The following CABLES2 variants were observed in gnomAD, a reference collection of about 807,000 sequenced individuals.
CABLES2 encodes Cdk5 and Abl enzyme substrate 2.
Under a neutral mutation model 44.8 loss-of-function variants are expected in CABLES2, and 35 were observed. That is an observed-to-expected ratio of 0.78 (90% CI 0.60 to 1.04). The LOEUF (loss-of-function observed/expected upper bound fraction) is 1.04. Ranked by LOEUF, CABLES2 falls within the 50% of genes least tolerant of loss-of-function variation. The pLI, the probability that CABLES2 is intolerant of heterozygous loss-of-function variation, is 0.00. For missense variants in CABLES2, 566 were observed against 615.7 expected, an observed-to-expected ratio of 0.92 and a Z score of 0.85; for synonymous variants, 282 against 281.1, an observed-to-expected ratio of 1.00 and a Z score of -0.03.
chr20:62,401,728 C>A (rs902103184), intron 1 of CABLES2, among the ~76,000 whole-genome samples: 1 of 152,170 alleles, frequency 6.6e-6, no homozygotes, highest in Non-Finnish European at 1.5e-5. Context: ...TGACACAGGT[C>A]CCCTCAGTGT....
In CABLES2 at chr20:62,392,423, G is replaced by A; in HGVS notation, c.1057C>T (p.Pro353Ser). ...TTGCTCAGCGTCAGTTTGACATGGG[G>A]GAACTTCTCCCTGAAGGTCTCGTTC... ...DMNETFREKFPHVKLTLSKIR... is the reference protein window; with the variant it reads ...DMNETFREKFSHVKLTLSKIR... The change falls in exon 8 of 10, where the codon CCC becomes TCC. Residue 353 changes from proline (P) to serine (S), a missense_variant. Coordinates refer to ENST00000279101, the MANE Select transcript of CABLES2 (RefSeq NM_031215.3). 1 of 1,614,036 alleles carries A rather than the reference G, an allele frequency of 6.2e-7. No individual in the cohort carries two copies.
At position 62,391,231 on chromosome 20, in the gene CABLES2, G is replaced by T; in HGVS notation, c.1296+18C>A. 1.2e-6 allele frequency: 2 copies of T among 1,603,724 alleles called. No homozygotes were observed. The highest frequency in any genetic ancestry group is 8.5e-7 in the Non-Finnish European group (1 of 1,173,392). ...TGTCATGACCCTGCCTGCAGTGCCT[G>T]CCGAGCCGGGCACTCACATCGATGA... On this transcript the variant is annotated intron_variant, in intron 9 of 9. Coordinates refer to ENST00000279101, the MANE Select transcript of CABLES2 (RefSeq NM_031215.3). This position sits in a 1 kb window ranked among gnomAD's most constrained non-coding sequence, Gnocchi z 5.7.
At chr20:62,403,302 CTG>C (rs1346257575) in intron 1 of CABLES2, 8 of 152,272 alleles carry the variant, frequency 5.3e-5, no homozygotes, top group African/African-American at 1.9e-4. Flanking sequence ...CTTAGTTGAA[CTG>C]TGTCGCCCCC....
chr20:62,398,106 A>ATGACGGTGGTGATGG (rs1988090179), intron 1 of CABLES2, among the ~76,000 whole-genome samples: 3 of 48,778 alleles, frequency 6.2e-5, no homozygotes, highest in East Asian at 1.1e-3. Context: ...GGTGGTGGTG[A>ATGACGGTGGTGATGG]TGGTGGTGGT....
At chr20:62,395,528 C>T (rs1294226078) in intron 3 of CABLES2, among the ~76,000 whole-genome samples, 2 of 152,224 alleles carry the variant, frequency 1.3e-5, no homozygotes, top group South Asian at 2.1e-4. Context: ...CTCGAGCAGC[C>T]GGGCCCCGGG....
At chr20:62,398,121 G>GTGGTGGTGA (rs1555890790) in intron 1 of CABLES2, among the ~76,000 whole-genome samples, 2 of 82,414 alleles carry the variant, frequency 2.4e-5, no homozygotes, top group South Asian at 5.2e-4. Flanking sequence ...GGTGGTGGTG[G>GTGGTGGTGA]TGGTTATGAC....
rs534389234 is a variant in CABLES2 at position 62,397,322 on chromosome 20, C to A, written c.363-730G>T. On this transcript the variant is annotated intron_variant, in intron 1 of 9. Transcript: ENST00000279101. ...TGCCTCACCACCCACCTGCCGTCTGCCTCCCCTTCCAGAGTGCCGGCCCCA... is the reference window on the plus strand; with the variant it reads ...TGCCTCACCACCCACCTGCCGTCTGACTCCCCTTCCAGAGTGCCGGCCCCA... Among the ~76,000 whole-genome samples, 7 of 152,302 alleles carry A rather than the reference C, an allele frequency of 4.6e-5. No individual in the cohort carries two copies. In the South Asian group the frequency reaches 6.2e-4, roughly 14 times the overall value.
At chr20:62,398,000 G>GACA (rs1569017322) in intron 1 of CABLES2, among the ~76,000 whole-genome samples, 1 of 137,448 alleles carries the variant, frequency 7.3e-6, no homozygotes, top group Non-Finnish European at 1.5e-5. Context: ...TGGTGATGAT[G>GACA]GTGATGGTTA....
At chr20:62,405,938 G>A (rs910361587) in intron 1 of CABLES2, 6 of 152,858 alleles carry the variant, frequency 3.9e-5, no homozygotes, top group Non-Finnish European at 8.8e-5. Context: ...TGTGGTCTCT[G>A]GGAGAAGGAC....
chr20:62,393,905 G>GC (rs766135819), intron 5 of CABLES2, among the ~76,000 whole-genome samples: 8 of 152,246 alleles, frequency 5.3e-5, no homozygotes, highest in Non-Finnish European at 1.2e-4. Flanking sequence ...CCACCCTGCA[G>GC]CAGGGGGGTG....
chr20:62,398,175 G>A lies in CABLES2; in HGVS notation c.363-1583C>T, dbSNP rs796385770. Among the ~76,000 whole-genome samples, 418 of 55,538 alleles carry A rather than the reference G, an allele frequency of 7.5e-3. 15 individuals carry two copies. The highest frequency in any genetic ancestry group is 0.035 in the African/African-American group (147 of 4,152). 36.4% of individuals were successfully genotyped at this position (55,538 alleles called of 152,430 possible). A position where few individuals can be genotyped will look rare whatever the true frequency, so the allele number is the denominator to read the frequency against. ...GGTGGTGACGGTGATGGTGGTAATG[G>A]TGGTGGTGGTGATGGTGATGATGGT... On this transcript the variant is annotated intron_variant, in intron 1 of 9. Coordinates refer to ENST00000279101, the MANE Select transcript of CABLES2 (RefSeq NM_031215.3).
At position 62,393,098 on chromosome 20, in the gene CABLES2, G is replaced by C. The variant is rs192641252; in HGVS notation, c.881-75C>G. ...TCTAGCCCCAAGGCCTGGCAGGCCA[G>C]CGCCATGGCGGGGCAAGGCCGAGCA... On this transcript the variant is annotated intron_variant, in intron 6 of 9. Transcript: ENST00000279101. 1.6e-4 allele frequency: 224 copies of C among 1,364,852 alleles called. No individual in the cohort carries two copies. The African/African-American group carries it at 2.9e-3, about 17-fold the overall frequency. The allele number at this position is 1,364,852 out of a possible 1,614,324, so 84.5% of individuals were successfully genotyped here.
At chr20:62,395,140 C>T in intron 3 of CABLES2, 126 bp from the exon 4 acceptor site, 1 of 767,874 alleles carries the variant, frequency 1.3e-6, no homozygotes, top group East Asian at 2.7e-5. Flanking sequence ...GGGAAACTGC[C>T]CATGCTGTCC....
Position 62,394,167 on chromosome 20 carries a change from G to A in CABLES2, c.704C>T (p.Ala235Val), listed in dbSNP as rs1425363349. 1 of 1,613,074 alleles carries A rather than the reference G, an allele frequency of 6.2e-7. No homozygotes were observed. The highest frequency in any genetic ancestry group is 8.5e-7 in the Non-Finnish European group (1 of 1,179,804). ...CGAAGAGGCTCTTACCTTCCCGTCT[G>A]CTCCTAGCTCCACACCTTCTAGCTC... Reference protein sequence around the residue: ...VFELEGVELGADGKVVSYAKF... With the variant: ...VFELEGVELGVDGKVVSYAKF... Residue 235 changes from alanine (A) to valine (V), a missense_variant, in exon 5 of 10, where the codon GCA becomes GTA. Coordinates refer to ENST00000279101, the MANE Select transcript of CABLES2 (RefSeq NM_031215.3).
At chr20:62,398,163 ATGGTGGTAATGG>A (rs1988101424) in intron 1 of CABLES2, among the ~76,000 whole-genome samples, 2 of 50,790 alleles carry the variant, frequency 3.9e-5, no homozygotes, top group African/African-American at 1.2e-4. Context: ...GGTGACGGTG[ATGGTGGTAATGG>A]TGGTGGTGGT....
chr20:62,401,873 G>A (rs6061512), intron 1 of CABLES2, among the ~76,000 whole-genome samples: 36,520 of 152,192 alleles, frequency 0.24, 4,555 homozygotes, highest in African/African-American at 0.3. Context: ...CTCATCCTGC[G>A]TGCACCAGAC....
chr20:62,400,719 G>A (rs2146427471), intron 1 of CABLES2, among the ~76,000 whole-genome samples: 1 of 152,296 alleles, frequency 6.6e-6, no homozygotes, highest in African/African-American at 2.4e-5. Context: ...CTGCCTGGTG[G>A]TACCGTTGGA....
intron 1 of CABLES2, among the ~76,000 whole-genome samples, chr20:62,397,248 A>G (rs575480753): frequency 5.9e-5 from 9 of 152,178 alleles, no homozygotes; most frequent in African/African-American, 1.9e-4. Flanking sequence ...GGATCCTGCT[A>G]TTCTGTGACT....
At chr20:62,406,532 G>A (rs1988288561) in intron 1 of CABLES2, among the ~76,000 whole-genome samples, 2 of 129,038 alleles carry the variant, frequency 1.5e-5, no homozygotes, top group Admixed American at 1.6e-4. Context: ...AACCCTATGT[G>A]TGGGGGGTGA....
Sources: gnomAD v4.1 joint callset for allele counts (sites outside exome capture counted in the v4.1 genomes callset) on GRCh38, gnomAD v4.1.1 for gene constraint, Gnocchi (gnomAD v3.1) non-coding constraint, MANE v1.5 for transcripts, NCBI Gene and HGNC (gene_info 2026-07-23, HGNC 2026-07-21) for gene names.